The following PDE1C variants were observed in gnomAD, a reference collection of about 807,000 sequenced individuals.
The protein encoded by PDE1C is dual specificity calcium/calmodulin-dependent 3',5'-cyclic nucleotide phosphodiesterase 1C.
Under a neutral mutation model 93.1 loss-of-function variants are expected in PDE1C, and 62 were observed. The ratio of observed to expected loss-of-function variants is 0.67; its 90% confidence interval spans 0.54 to 0.82. PDE1C has a LOEUF of 0.82. PDE1C is among the 40% of genes least tolerant of loss of function. The probability of loss-of-function intolerance (pLI) is 0.00; values close to 1 mark genes in which losing one functional copy is unlikely to be tolerated. For missense variants in PDE1C, 742 were observed against 884.6 expected (o/e 0.84, Z 2.04); for synonymous variants, 325 against 310.1 (o/e 1.05, Z -0.50).
chr7:32,196,389 T>G (rs938107445), intron 2 of PDE1C, among the ~76,000 whole-genome samples: 6 of 152,108 alleles, frequency 3.9e-5, no homozygotes, highest in African/African-American at 1.4e-4. Flanking sequence ...GCTCTTTTTT[T>G]GGGTACCTGT....
intron 1 of PDE1C, among the ~76,000 whole-genome samples, chr7:32,057,024 A>T (rs761622185): frequency 2.0e-5 from 3 of 152,108 alleles, no homozygotes; most frequent in Non-Finnish European, 4.4e-5. Flanking sequence ...AGAGCCACAC[A>T]CTCCCCTTAA....
chr7:31,991,175 T>G (rs1318895658), intron 2 of PDE1C, among the ~76,000 whole-genome samples: 1 of 152,236 alleles, frequency 6.6e-6, no homozygotes, highest in Non-Finnish European at 1.5e-5. Context: ...AATTGGAATG[T>G]GACATATATC....
intron 2 of PDE1C, among the ~76,000 whole-genome samples, chr7:31,889,217 A>G (rs1798326325): frequency 6.6e-6 from 1 of 152,222 alleles, no homozygotes; most frequent in Non-Finnish European, 1.5e-5. Flanking sequence ...TGTTGTTACT[A>G]TCCTACATAT....
intron 1 of PDE1C, among the ~76,000 whole-genome samples, chr7:32,259,160 G>A (rs943684119): frequency 6.6e-6 from 1 of 152,108 alleles, no homozygotes; most frequent in East Asian, 1.9e-4. Flanking sequence ...TACAAGAGAT[G>A]GTGTCAGCAT....
intron 2 of PDE1C, among the ~76,000 whole-genome samples, chr7:32,182,123 A>G (rs1268704383): frequency 6.6e-6 from 1 of 152,190 alleles, no homozygotes; most frequent in African/African-American, 2.4e-5. Flanking sequence ...CTCTGAATAG[A>G]CCAATAACAG....
chr7:32,168,519 G>A (rs1176659639), intron 3 of PDE1C, among the ~76,000 whole-genome samples: 1 of 152,162 alleles, frequency 6.6e-6, no homozygotes, highest in Admixed American at 6.5e-5. Flanking sequence ...CATAAGAAAT[G>A]CTCCAAGGTG....
intron 3 of PDE1C, among the ~76,000 whole-genome samples, chr7:32,083,118 G>A (rs373252049): frequency 1.3e-5 from 2 of 151,970 alleles, no homozygotes; most frequent in African/African-American, 4.8e-5. Context: ...AAATTTAGAC[G>A]AATGTATAAC....
chr7:32,085,309 T>G (rs7458672), intron 3 of PDE1C, among the ~76,000 whole-genome samples: 35,214 of 81,086 alleles, frequency 0.43, 9,685 homozygotes, highest in African/African-American at 0.54. Context: ...CAAAGAAGAA[T>G]TTGAATCTCT....
intron 2 of PDE1C, among the ~76,000 whole-genome samples, chr7:31,933,075 G>C (rs1420358136): frequency 1.3e-5 from 2 of 151,854 alleles, no homozygotes; most frequent in Non-Finnish European, 2.9e-5. Flanking sequence ...GGGGTTAAGG[G>C]GCAAGCAGAG....
At chr7:31,662,183 A>G in the PDE1C span, among the ~76,000 whole-genome samples, 2 of 152,246 alleles carry the variant, frequency 1.3e-5, no homozygotes, top group African/African-American at 4.8e-5. Flanking sequence ...CTGGAAGGGA[A>G]TATGGTCCTG....
chr7:32,256,196 T>C (rs1809783258), intron 1 of PDE1C, among the ~76,000 whole-genome samples: 1 of 152,202 alleles, frequency 6.6e-6, no homozygotes, highest in South Asian at 2.1e-4. Context: ...CTCGGGGATG[T>C]GAACATATGA....
chr7:31,989,037 GA>G (rs1437549878), intron 2 of PDE1C, among the ~76,000 whole-genome samples: 1 of 126,804 alleles, frequency 7.9e-6, no homozygotes. Flanking sequence ...GAGAAAGAGA[GA>G]AAGGAAAGAA....
intron 3 of PDE1C, among the ~76,000 whole-genome samples, chr7:32,139,629 A>G (rs906011198): frequency 1.3e-5 from 2 of 152,158 alleles, no homozygotes; most frequent in Admixed American, 6.5e-5. Flanking sequence ...GAGGAGACTG[A>G]TGCTTCCAAG....
chr7:31,872,731 T>C (rs112949232), intron 6 of PDE1C, among the ~76,000 whole-genome samples: 2 of 152,268 alleles, frequency 1.3e-5, no homozygotes, highest in African/African-American at 4.8e-5. Context: ...CTCGAGAGTC[T>C]ACAGTATTAG....
intron 3 of PDE1C, among the ~76,000 whole-genome samples, chr7:32,157,490 G>A (rs955939565): frequency 2.6e-5 from 4 of 151,852 alleles, no homozygotes; most frequent in Non-Finnish European, 5.9e-5. Context: ...AATAAAATAC[G>A]GGAACCTAAA....
At chr7:32,342,359 T>C (rs942084659) in intron 1 of PDE1C, among the ~76,000 whole-genome samples, 1 of 152,156 alleles carries the variant, frequency 6.6e-6, no homozygotes, top group Non-Finnish European at 1.5e-5. Flanking sequence ...TGTTGAAATA[T>C]ATACATCACC....
rs1329856669 is a variant in PDE1C at position 31,823,043 on chromosome 7, A to G, written c.1582+30T>C. On this transcript the variant is annotated intron_variant, in intron 14 of 17. Transcript: ENST00000396191. ...AGAGGACAACCTTGTTTTATGCTGAATTGGTTTGGACAGGTCTGTGGCATG... is the reference window on the plus strand; with the variant it reads ...AGAGGACAACCTTGTTTTATGCTGAGTTGGTTTGGACAGGTCTGTGGCATG... 4.5e-6 allele frequency: 7 copies of G among 1,542,314 alleles called. No individual in the cohort carries two copies. The East Asian group carries it at 7.0e-5, about 15-fold the overall frequency.
At chr7:31,889,785 C>T (rs536492817) in intron 2 of PDE1C, among the ~76,000 whole-genome samples, 12 of 152,272 alleles carry the variant, frequency 7.9e-5, no homozygotes, top group Non-Finnish European at 1.2e-4. Flanking sequence ...GAAGGTGTTA[C>T]GACTCAGGGT....
chr7:32,422,316 G>C (rs1785448142), intron 1 of PDE1C, among the ~76,000 whole-genome samples: 1 of 152,084 alleles, frequency 6.6e-6, no homozygotes, highest in Admixed American at 6.5e-5. Context: ...GTTAATCTTT[G>C]TTTTTCATTT....
Sources: allele counts gnomAD v4.1 joint callset (sites outside exome capture counted in the v4.1 genomes callset), GRCh38; gene constraint gnomAD v4.1.1; transcripts MANE v1.5; gene names NCBI Gene and HGNC (gene_info 2026-07-23, HGNC 2026-07-21).